The following VAV2 variants were observed in gnomAD, a reference collection of about 807,000 sequenced individuals.
The protein encoded by VAV2 is guanine nucleotide exchange factor VAV2.
Under a neutral mutation model 132.5 loss-of-function variants are expected in VAV2, and 67 were observed. The ratio of observed to expected loss-of-function variants is 0.51; its 90% CI spans 0.42 to 0.62. The LOEUF (loss-of-function observed/expected upper bound fraction) is 0.62. Among genes scored for constraint, VAV2 ranks in the 20% least tolerant of loss-of-function variants. VAV2 has a pLI of 0.00. For missense variants in VAV2, 938 were observed against 1,153.6 expected, an observed-to-expected ratio of 0.81 and a Z score of 2.71; for synonymous variants, 492 against 443.5, an observed-to-expected ratio of 1.11 and a Z score of -1.37.
chr9:133,847,787 G>A (rs1035335530), intron 3 of VAV2, among the ~76,000 whole-genome samples: 12 of 152,312 alleles, frequency 7.9e-5, no homozygotes, highest in African/African-American at 2.4e-4. Flanking sequence ...ATGAGCTGAC[G>A]CCTGGGAGGT....
chr9:133,988,159 AG>A lies in VAV2; in HGVS notation c.204+3915del, dbSNP rs556434497. 3.6e-3 allele frequency among the ~76,000 whole-genome samples: 549 copies of A among 152,282 alleles called. 5 individuals are homozygous for A. Among genetic ancestry groups the A allele is most frequent in the African/African-American group, 0.013 (531 of 41,548 alleles). ...GCCTCATATGCCATGACTGGCAGGG[AG>A]GTGGGCAACTCCCCGCCGTGTGCGC... On this transcript the variant is annotated intron_variant, in intron 1 of 29. Transcript: ENST00000371850.
chr9:133,781,634 G>C (rs1834010414), intron 19 of VAV2, among the ~76,000 whole-genome samples: 1 of 152,224 alleles, frequency 6.6e-6, no homozygotes, highest in Admixed American at 6.5e-5. Context: ...AGAGCCCAGG[G>C]GTGAAGGCTA....
Position 133,816,194 on chromosome 9 carries a change from T to C in VAV2, c.450-3978A>G, listed in dbSNP as rs181089300. Reference sequence around the variant, plus strand: ...TAAAAATTGGTTGTCTGTCTTCTTATTGAATTCGGTGAGTTCTTCACATAT... The same window carrying C: ...TAAAAATTGGTTGTCTGTCTTCTTACTGAATTCGGTGAGTTCTTCACATAT... On this transcript the variant is annotated intron_variant, in intron 4 of 29. Coordinates refer to ENST00000371850, the MANE Select transcript of VAV2 (RefSeq NM_001134398.2). 2.6e-3 allele frequency among the ~76,000 whole-genome samples: 397 copies of C among 152,388 alleles called. 2 individuals are homozygous for C. Among genetic ancestry groups the C allele is most frequent in the African/African-American group, 9.3e-3 (388 of 41,592 alleles).
chr9:133,830,930 C>T (rs892714232), intron 4 of VAV2, among the ~76,000 whole-genome samples: 2 of 152,194 alleles, frequency 1.3e-5, no homozygotes, highest in African/African-American at 2.4e-5. Context: ...ATGCATTCCC[C>T]TTCCTTAGAA....
intron 26 of VAV2, among the ~76,000 whole-genome samples, chr9:133,771,467 T>C (rs1833622539): frequency 6.6e-6 from 1 of 152,198 alleles, no homozygotes; most frequent in Admixed American, 6.5e-5. Flanking sequence ...ATACAACTTT[T>C]GTAATTAAGA....
At chr9:133,946,131 G>A (rs751963048) in intron 1 of VAV2, among the ~76,000 whole-genome samples, 28 of 152,218 alleles carry the variant, frequency 1.8e-4, no homozygotes, top group Non-Finnish European at 3.5e-4. Flanking sequence ...CACAGTGCAC[G>A]AGAACCTGGG....
intron 3 of VAV2, among the ~76,000 whole-genome samples, chr9:133,854,527 C>G (rs2131848387): frequency 6.6e-6 from 1 of 152,358 alleles, no homozygotes; most frequent in Non-Finnish European, 1.5e-5. Context: ...GCTTGTGCTA[C>G]TGACCAGGGC....
At chr9:133,958,371 C>T (rs1470461759) in intron 1 of VAV2, among the ~76,000 whole-genome samples, 1 of 149,322 alleles carries the variant, frequency 6.7e-6, no homozygotes, top group South Asian at 2.2e-4. Flanking sequence ...GAGGTGGGAC[C>T]TGCGGGCAGC....
intron 12 of VAV2, among the ~76,000 whole-genome samples, 178 bp downstream of exon 12, chr9:133,795,490 G>T (rs1165804925): frequency 6.6e-6 from 1 of 152,120 alleles, no homozygotes; most frequent in Non-Finnish European, 1.5e-5. Flanking sequence ...CCCTCCACCC[G>T]TCACCTCTAC....
intron 2 of VAV2, among the ~76,000 whole-genome samples, chr9:133,866,560 T>C (rs1020760104): frequency 6.6e-6 from 1 of 151,906 alleles, no homozygotes; most frequent in African/African-American, 2.4e-5. Flanking sequence ...TCCCAGCACT[T>C]TGGGAGACCA....
At chr9:133,898,041 G>A (rs1839283369) in intron 2 of VAV2, among the ~76,000 whole-genome samples, 1 of 152,094 alleles carries the variant, frequency 6.6e-6, no homozygotes, top group South Asian at 2.1e-4. Context: ...ACCACGCAAA[G>A]CCTCCTACCA....
At chr9:133,785,292 C>T (rs914490912) in intron 17 of VAV2, among the ~76,000 whole-genome samples, 1 of 152,256 alleles carries the variant, frequency 6.6e-6, no homozygotes, top group African/African-American at 2.4e-5. Context: ...GTTCCGGGAA[C>T]CCGTTCATCA....
chr9:133,951,566 C>T (rs1479746168), intron 1 of VAV2, among the ~76,000 whole-genome samples: 3 of 152,118 alleles, frequency 2.0e-5, no homozygotes, highest in East Asian at 3.9e-4. Flanking sequence ...GAGCTGGGAG[C>T]GCTAGACTAG....
chr9:133,787,887 G>A (rs1041308900), intron 15 of VAV2, among the ~76,000 whole-genome samples: 2 of 151,640 alleles, frequency 1.3e-5, no homozygotes, highest in East Asian at 1.9e-4. Flanking sequence ...CCAGCTACAT[G>A]TAGAGTCTCG....
rs891203171 is a variant in VAV2, at chr9:133,794,249, C to T, written c.1101+1419G>A. On this transcript the variant is annotated intron_variant, in intron 12 of 29. Transcript: ENST00000371850. This position sits in a 1 kb window ranked among gnomAD's most constrained non-coding sequence, Gnocchi z 4.6. ...GGCCAGAGCAGGTGTTGGAGAGGGG[C>T]GGCTTGGGGGCTGCAGAGCTGACAC... Among the ~76,000 whole-genome samples, 5 of 152,122 alleles carry T rather than the reference C, an allele frequency of 3.3e-5. No homozygotes were observed. The highest frequency in any genetic ancestry group is 1.2e-4 in the African/African-American group (5 of 41,422).
rs141641770 is a variant in VAV2, at chr9:133,851,800, AATGGATGGATGGATGG to A, written c.380+9558_380+9573del. Among the ~76,000 whole-genome samples, 1,238 of 138,130 alleles carry A rather than the reference AATGGATGGATGGATGG, an allele frequency of 9.0e-3. 35 individuals are homozygous for A. The highest frequency in any genetic ancestry group is 0.054 in the Admixed American group (787 of 14,500). The allele number at this position is 138,130 out of a possible 152,430, so 90.6% of individuals were successfully genotyped here. ...GGGTAAATAAATGGATGGGTGAATA[AATGGATGGATGGATGG>A]ATGGATGGATGGATGGATGCACAAA... On this transcript the variant is annotated intron_variant, in intron 3 of 29. Coordinates refer to ENST00000371850, the MANE Select transcript of VAV2 (RefSeq NM_001134398.2).
chr9:133,778,666 CTGCCTG>C, intron 22 of VAV2, 90 bp downstream of exon 22: 1 of 1,502,674 alleles, frequency 6.7e-7, no homozygotes, highest in South Asian at 1.3e-5. Flanking sequence ...CTCTCTGCCT[CTGCCTG>C]GGGATGTGCA....
Position 133,969,091 on chromosome 9 carries a change from G to C in VAV2, c.204+22984C>G, listed in dbSNP as rs1188085544. On this transcript the variant is annotated intron_variant, in intron 1 of 29. Transcript: ENST00000371850. The surrounding 1 kb of genome is among the most constrained non-coding windows in gnomAD (Gnocchi z 5.1). ...GCCGGGTGTCGGTGAAAGCCGTCTA[G>C]TTGCCTGAGATGAATCCCACATGCC... is the stretch of plus-strand genomic sequence containing the variant. Among the ~76,000 whole-genome samples, 4 of 151,496 alleles carry C rather than the reference G, an allele frequency of 2.6e-5. No individual in the cohort carries two copies. The highest frequency in any genetic ancestry group is 2.1e-4 in the South Asian group (1 of 4,780).
intron 3 of VAV2, among the ~76,000 whole-genome samples, chr9:133,852,845 T>G (rs987465344): frequency 6.6e-6 from 1 of 151,776 alleles, no homozygotes; most frequent in Non-Finnish European, 1.5e-5. Flanking sequence ...GGGTGCAGGG[T>G]GGGGGCACAG....
Sources: allele counts gnomAD v4.1 joint callset (sites outside exome capture counted in the v4.1 genomes callset), GRCh38; gene constraint gnomAD v4.1.1; non-coding constraint Gnocchi (gnomAD v3.1); transcripts MANE v1.5; gene names NCBI Gene and HGNC (gene_info 2026-07-23, HGNC 2026-07-21).